SEMA6A: variants seen among roughly 807,000 people sequenced by gnomAD.
The protein encoded by SEMA6A is semaphorin-6A.
Under a neutral mutation model 96.8 loss-of-function variants are expected in SEMA6A, and 25 were observed. The ratio of observed to expected loss-of-function variants is 0.26; its 90% CI spans 0.19 to 0.36. SEMA6A has a LOEUF of 0.36. Among genes scored for constraint, SEMA6A ranks in the 10% least tolerant of loss-of-function variants. SEMA6A has a pLI of 1.00. For missense variants in SEMA6A, 1,363 were observed against 1,323.1 expected (o/e 1.03, Z -0.47); for synonymous variants, 612 against 518.0 (o/e 1.18, Z -2.46).
intron 1 of SEMA6A, among the ~76,000 whole-genome samples, chr5:116,519,664 T>TACAC (rs72233200): frequency 0.14 from 20,668 of 146,774 alleles, 1,732 homozygotes; most frequent in African/African-American, 0.25. Flanking sequence ...ATGCTGTGTG[T>TACAC]ACACACACAC....
rs1402779943 is a variant in SEMA6A, at chr5:116,488,919, C to T, written c.624G>A (p.Arg208=). The T allele has an allele frequency of 6.3e-7, 1 of 1,586,982 alleles. No homozygotes were observed. The highest frequency in any genetic ancestry group is 8.6e-7 in the Non-Finnish European group (1 of 1,165,596). The change falls in exon 8 of 19, where the codon CGG becomes CGA. Residue 208 remains arginine, a synonymous_variant. Transcript: ENST00000343348. ...ACCATTTTGAATCGTGCTTGACGGT[C>T]CGCAGGGTAGGGCTTTCTCCAAGAC... ...YRSLGESPTL[R]TVKHDSKWLK...
chr5:116,504,259 G>A (rs924621742), intron 2 of SEMA6A, among the ~76,000 whole-genome samples: 3 of 152,104 alleles, frequency 2.0e-5, no homozygotes, highest in African/African-American at 7.2e-5. Flanking sequence ...ACATAGGCAG[G>A]ACTCTCCTCT....
At chr5:116,481,650 A>G (rs1226458407) in intron 11 of SEMA6A, among the ~76,000 whole-genome samples, 1 of 152,128 alleles carries the variant, frequency 6.6e-6, no homozygotes, top group African/African-American at 2.4e-5. Context: ...GACAGACACC[A>G]TGGGTTGTTT....
At chr5:116,478,463 G>T (rs954428061) in intron 13 of SEMA6A, 79 bp downstream of exon 13, 3 of 1,379,598 alleles carry the variant, frequency 2.2e-6, no homozygotes, top group Admixed American at 5.4e-5. Context: ...ACCTCAGTCG[G>T]TCATGATTTT....
At position 116,444,166 on chromosome 5, in the gene SEMA6A, G is replaced by A. The variant is rs968630032; in HGVS notation, c.*2447C>T. The stretch of plus-strand genomic sequence containing the variant: ...GAAGAAAACAATATTTCAGGTTCTA[G>A]GAAATACTTCAGGGTTTCAGGAGAC... On this transcript the variant is annotated 3_prime_UTR_variant, in exon 19 of 19. Transcript: ENST00000343348. 2.6e-5 allele frequency: 4 copies of A among 151,868 alleles called. No individual in the cohort carries two copies. Among genetic ancestry groups the A allele is most frequent in the Non-Finnish European group, 5.9e-5 (4 of 67,996 alleles). 9.4% of individuals were successfully genotyped at this position (151,868 alleles called of 1,614,324 possible). A position where few individuals can be genotyped will look rare whatever the true frequency, so the allele number is the denominator to read the frequency against.
intron 10 of SEMA6A, among the ~76,000 whole-genome samples, chr5:116,484,820 C>A (rs1756970781): frequency 6.6e-6 from 1 of 152,068 alleles, no homozygotes; most frequent in African/African-American, 2.4e-5. Flanking sequence ...AATGAATGAG[C>A]AAAGCATGGC....
chr5:116,503,769 C>T (rs1212047831), intron 2 of SEMA6A, among the ~76,000 whole-genome samples: 8 of 152,146 alleles, frequency 5.3e-5, no homozygotes, highest in Admixed American at 5.2e-4. Context: ...CCCACCTCGG[C>T]CTCCCAAAGT....
intron 18 of SEMA6A, among the ~76,000 whole-genome samples, chr5:116,455,690 G>A (rs552502674): frequency 2.2e-4 from 33 of 152,164 alleles, no homozygotes; most frequent in Non-Finnish European, 4.4e-4. Flanking sequence ...GAAGAAACAG[G>A]TCTGTTTCAA....
chr5:116,483,675 G>C (rs1756903260), intron 10 of SEMA6A, among the ~76,000 whole-genome samples: 1 of 152,106 alleles, frequency 6.6e-6, no homozygotes, highest in South Asian at 2.1e-4. Flanking sequence ...ATAGGGAGAA[G>C]CTTAAAATGC....
chr5:116,454,847 T>C (rs1754907492), intron 18 of SEMA6A, among the ~76,000 whole-genome samples: 1 of 152,056 alleles, frequency 6.6e-6, no homozygotes, highest in African/African-American at 2.4e-5. Flanking sequence ...TGTATGTGTT[T>C]TTCCTGGCAG....
At chr5:116,501,849 T>C (rs896174056) in intron 3 of SEMA6A, among the ~76,000 whole-genome samples, 15 of 152,142 alleles carry the variant, frequency 9.9e-5, no homozygotes, top group Admixed American at 9.2e-4. Context: ...ATTGCACCAC[T>C]GCACTCCAGC....
chr5:116,483,047 A>G (rs959828146), intron 10 of SEMA6A, among the ~76,000 whole-genome samples: 6 of 152,212 alleles, frequency 3.9e-5, no homozygotes, highest in African/African-American at 1.4e-4. Context: ...TTAGGGTGTG[A>G]GAATATGTTT....
At chr5:116,556,093 T>C (rs153641) in intron 1 of SEMA6A, among the ~76,000 whole-genome samples, 101,100 of 152,044 alleles carry the variant, frequency 0.66, 35,633 homozygotes, top group East Asian at 0.87. Context: ...AACTGGGCAC[T>C]GGACCCAACA....
At chr5:116,504,767 C>T in intron 2 of SEMA6A, 78 bp downstream of exon 2, 1 of 1,143,878 alleles carries the variant, frequency 8.7e-7, no homozygotes, top group Non-Finnish European at 1.3e-6. Context: ...TTTCATTTTT[C>T]AGTTTTATTT....
At chr5:116,573,957 C>T (rs1761353111) in intron 1 of SEMA6A, among the ~76,000 whole-genome samples, 2 of 151,414 alleles carry the variant, frequency 1.3e-5, no homozygotes, top group Admixed American at 1.3e-4. Context: ...TGGGAAAGCT[C>T]TCGACGTGGA....
chr5:116,484,278 C>T (rs951966871), intron 10 of SEMA6A, among the ~76,000 whole-genome samples: 1 of 152,004 alleles, frequency 6.6e-6, no homozygotes, highest in Admixed American at 6.6e-5. Context: ...CTAAAGATAT[C>T]CTAGGGTTTC....
At position 116,557,892 on chromosome 5, in the gene SEMA6A, T is replaced by C. The variant is rs575582057; in HGVS notation, c.-39+16293A>G. ...CTAGAGGGCAGCCTCCAAGTAAAGT[T>C]AGAAACAAGCGATAGCACAACTATG... is the stretch of plus-strand genomic sequence containing the variant. On this transcript the variant is annotated intron_variant, in intron 1 of 18. Transcript: ENST00000343348. 1.1e-4 allele frequency among the ~76,000 whole-genome samples: 17 copies of C among 152,302 alleles called. 1 individual carries two copies. The highest frequency in any genetic ancestry group is 1.1e-3 in the Admixed American group (17 of 15,296).
At chr5:116,573,252 C>T (rs1030385414) in intron 1 of SEMA6A, among the ~76,000 whole-genome samples, 34 of 152,326 alleles carry the variant, frequency 2.2e-4, no homozygotes, top group African/African-American at 8.2e-4. Context: ...GAGCCCTAGT[C>T]TGGGTTTCAA....
chr5:116,573,192 C>T (rs1364549224), intron 1 of SEMA6A, among the ~76,000 whole-genome samples: 1 of 152,210 alleles, frequency 6.6e-6, no homozygotes, highest in Non-Finnish European at 1.5e-5. Flanking sequence ...CTCTCCAGCG[C>T]CCCATTGCCC....
Sources: gnomAD v4.1 joint callset for allele counts (sites outside exome capture counted in the v4.1 genomes callset) on GRCh38, gnomAD v4.1.1 for gene constraint, MANE v1.5 for transcripts, NCBI Gene and HGNC (gene_info 2026-07-23, HGNC 2026-07-21) for gene names.